SEMA3A: variants seen among roughly 807,000 people sequenced by gnomAD.
SEMA3A encodes semaphorin-3A.
A neutral mutation model predicts 97.9 loss-of-function variants in SEMA3A; 29 were observed. That is an observed-to-expected ratio of 0.30 (90% CI 0.22 to 0.40). The LOEUF (loss-of-function observed/expected upper bound fraction) is 0.40. Among genes scored for constraint, SEMA3A ranks in the 10% least tolerant of loss-of-function variants. The pLI is 1.00. For synonymous variants in SEMA3A, 321 were observed against 323.7 expected, an observed-to-expected ratio of 0.99 and a Z score of 0.09; for missense variants, 763 against 951.3, an observed-to-expected ratio of 0.80 and a Z score of 2.60.
chr7:84,383,999 T>C (rs572371727), intron 1 of SEMA3A, among the ~76,000 whole-genome samples: 1 of 152,330 alleles, frequency 6.6e-6, no homozygotes, highest in South Asian at 2.1e-4. Flanking sequence ...CTGCCTTCCA[T>C]GTCAGTCAAT....
At chr7:84,184,781 A>C (rs529163050) in intron 1 of SEMA3A, among the ~76,000 whole-genome samples, 1 of 152,320 alleles carries the variant, frequency 6.6e-6, no homozygotes, top group South Asian at 2.1e-4. Context: ...AGGCAAGACA[A>C]GTACTAAGGT....
chr7:84,065,224 G>C (rs370442839), intron 4 of SEMA3A, among the ~76,000 whole-genome samples: 20 of 134,744 alleles, frequency 1.5e-4, no homozygotes, highest in East Asian at 6.5e-4. Context: ...AAACCAACGA[G>C]AACAAAGACA....
rs375395305 is a variant in SEMA3A, at chr7:84,360,555, C to T, written c.-169+11269G>A. Among the ~76,000 whole-genome samples, 10 of 152,086 alleles carry T rather than the reference C, an allele frequency of 6.6e-5. No individual in the cohort carries two copies. In the East Asian group the frequency reaches 1.9e-3, roughly 29 times the overall value. On this transcript the variant is annotated intron_variant, in intron 2 of 3. Coordinates refer to the SEMA3A transcript ENST00000424555. The stretch of plus-strand genomic sequence containing the variant: ...ACAGACAAACAAAATCCTTGCTTTG[C>T]TAGATCTGGAAGGTGTTACATTTAA...
upstream of SEMA3A, among the ~76,000 whole-genome samples, chr7:84,197,732 T>A (rs1035885491): frequency 3.0e-5 from 1 of 33,540 alleles, no homozygotes; most frequent in Non-Finnish European, 5.3e-5. Context: ...AGATCACTCT[T>A]TTTTTTTTTT....
In SEMA3A at chr7:84,134,303, C is replaced by G. The variant is rs139800066; in HGVS notation, c.270+491G>C. On this transcript the variant is annotated intron_variant, in intron 2 of 16. Transcript: ENST00000265362. ...ACTATTGAATTCTGCTGTTGTAGCA[C>G]AAAAACAGACATAGGCAATATGTCA... Among the ~76,000 whole-genome samples, 454 of 152,168 alleles carry G rather than the reference C, an allele frequency of 3.0e-3. 5 individuals are homozygous for G. Among genetic ancestry groups the G allele is most frequent in the African/African-American group, 0.01 (434 of 41,520 alleles).
chr7:84,119,444 T>C (rs756688660), intron 3 of SEMA3A, among the ~76,000 whole-genome samples: 2 of 152,180 alleles, frequency 1.3e-5, no homozygotes, highest in Non-Finnish European at 2.9e-5. Flanking sequence ...CAAAAGTAAG[T>C]AGACGTATAT....
intron 3 of SEMA3A, among the ~76,000 whole-genome samples, chr7:84,122,526 T>C (rs1162700885): frequency 2.6e-5 from 4 of 152,138 alleles, no homozygotes; most frequent in Non-Finnish European, 5.9e-5. Context: ...CAATTATACA[T>C]GAGGATTTTG....
intron 2 of SEMA3A, among the ~76,000 whole-genome samples, chr7:84,360,103 T>G (rs28397954): frequency 0.28 from 42,574 of 150,776 alleles, 6,417 homozygotes; most frequent in African/African-American, 0.37. Flanking sequence ...CTGGTTTCAT[T>G]GATTTTTTGA....
intron 1 of SEMA3A, among the ~76,000 whole-genome samples, chr7:84,183,558 C>T (rs1797791635): frequency 6.7e-6 from 1 of 149,830 alleles, no homozygotes; most frequent in Non-Finnish European, 1.5e-5. Context: ...ACTTGTGCTT[C>T]ATCAGACCTA....
chr7:84,151,716 G>A (rs1468904426), intron 1 of SEMA3A, among the ~76,000 whole-genome samples: 4 of 152,078 alleles, frequency 2.6e-5, no homozygotes, highest in Non-Finnish European at 5.9e-5. Flanking sequence ...AAACTAAAGA[G>A]CTTCTGCACA....
chr7:84,028,084 AAAAG>A (rs997260636), intron 6 of SEMA3A, among the ~76,000 whole-genome samples: 11 of 152,182 alleles, frequency 7.2e-5, no homozygotes, highest in African/African-American at 2.7e-4. Flanking sequence ...TGTCTTAATA[AAAAG>A]AAAGATGATT....
At chr7:84,454,320 A>C (rs1044293131) in intron 1 of SEMA3A, among the ~76,000 whole-genome samples, 3 of 152,206 alleles carry the variant, frequency 2.0e-5, no homozygotes. Flanking sequence ...ACAGTAAGAC[A>C]TACATCAGAC....
chr7:84,419,127 G>A (rs1414874541), intron 1 of SEMA3A, among the ~76,000 whole-genome samples: 2 of 152,000 alleles, frequency 1.3e-5, no homozygotes, highest in Non-Finnish European at 2.9e-5. Flanking sequence ...AGTTAAGGTG[G>A]AAATGATGTG....
At chr7:84,342,886 C>T (rs1802204637) in intron 2 of SEMA3A, among the ~76,000 whole-genome samples, 1 of 152,134 alleles carries the variant, frequency 6.6e-6, no homozygotes, top group South Asian at 2.1e-4. Flanking sequence ...ACACTATAGG[C>T]TGTGCAAACT....
rs573864588 is a variant in SEMA3A, at chr7:84,347,556, C to T, written c.-169+24268G>A. Among the ~76,000 whole-genome samples the T allele has an allele frequency of 6.3e-4, 96 of 151,970 alleles. 1 individual carries two copies. Among genetic ancestry groups the T allele is most frequent in the Admixed American group, 6.0e-3 (92 of 15,266 alleles). On this transcript the variant is annotated intron_variant, in intron 2 of 3. Transcript: ENST00000424555. ...CCTCTTGAGCAGCTGGAACTACAGG[C>T]GTGCGCCACCACGCCCGGCTAATTT...
chr7:84,444,216 T>C (rs1805348396), intron 1 of SEMA3A, among the ~76,000 whole-genome samples: 1 of 152,094 alleles, frequency 6.6e-6, no homozygotes, highest in Non-Finnish European at 1.5e-5. Context: ...ATCATACTGG[T>C]AAAGATACGT....
At chr7:84,153,120 C>A (rs1009643025) in intron 1 of SEMA3A, among the ~76,000 whole-genome samples, 1 of 152,104 alleles carries the variant, frequency 6.6e-6, no homozygotes, top group African/African-American at 2.4e-5. Context: ...ATGCTACACT[C>A]TCCTTTTGAT....
intron 3 of SEMA3A, among the ~76,000 whole-genome samples, chr7:84,213,388 C>T (rs1368663414): frequency 6.6e-6 from 1 of 152,166 alleles, no homozygotes; most frequent in African/African-American, 2.4e-5. Flanking sequence ...AATGGATCCT[C>T]CTGCCTCAGC....
At chr7:84,077,027 C>T (rs895093598) in intron 4 of SEMA3A, among the ~76,000 whole-genome samples, 2 of 152,006 alleles carry the variant, frequency 1.3e-5, no homozygotes, top group Non-Finnish European at 2.9e-5. Context: ...CATATGCCTG[C>T]CATGGTATAA....
Sources: gnomAD v4.1 joint callset for allele counts (sites outside exome capture counted in the v4.1 genomes callset) on GRCh38, gnomAD v4.1.1 for gene constraint, MANE v1.5 for transcripts, NCBI Gene and HGNC (gene_info 2026-07-23, HGNC 2026-07-21) for gene names.